UNC13C: variants seen among roughly 807,000 people sequenced by gnomAD.
The protein encoded by UNC13C is unc-13 homolog C.
A neutral mutation model predicts 245.4 loss-of-function variants in UNC13C; 174 were observed. That is an observed-to-expected ratio of 0.71 (90% CI 0.63 to 0.80). The LOEUF is 0.80. Ranked by LOEUF, UNC13C falls within the 30% of genes least tolerant of loss-of-function variation. UNC13C has a pLI of 0.00. For missense variants in UNC13C, 2,829 were observed against 2,602.9 expected, an observed-to-expected ratio of 1.09 and a Z score of -1.89; for synonymous variants, 992 against 895.1, an observed-to-expected ratio of 1.11 and a Z score of -1.93.
chr15:54,142,573 C>T (rs1158441300), intron 2 of UNC13C, among the ~76,000 whole-genome samples: 1 of 152,108 alleles, frequency 6.6e-6, no homozygotes, highest in Non-Finnish European at 1.5e-5. Context: ...GTTTACTTTC[C>T]CAAATACTGA....
intron 17 of UNC13C, among the ~76,000 whole-genome samples, chr15:54,370,442 G>A (rs2140881823): frequency 6.6e-6 from 1 of 152,204 alleles, no homozygotes; most frequent in African/African-American, 2.4e-5. Context: ...ATTAAGCCTA[G>A]GGAAAACCAA....
intron 10 of UNC13C, among the ~76,000 whole-genome samples, chr15:54,285,278 C>A (rs971398050): frequency 6.6e-6 from 1 of 151,690 alleles, no homozygotes; most frequent in Non-Finnish European, 1.5e-5. Flanking sequence ...AACTCCAATA[C>A]TCCAATAACT....
intron 17 of UNC13C, among the ~76,000 whole-genome samples, chr15:54,339,681 A>T (rs2038682580): frequency 6.6e-6 from 1 of 151,102 alleles, no homozygotes; most frequent in Non-Finnish European, 1.5e-5. Context: ...TTGTTTATTC[A>T]CTCGTTGATT....
At chr15:53,891,598 C>T in the UNC13C span, among the ~76,000 whole-genome samples, 2 of 152,132 alleles carry the variant, frequency 1.3e-5, no homozygotes, top group Admixed American at 6.5e-5. Context: ...GAATTGATCC[C>T]TTTACCATTA....
In UNC13C at chr15:54,014,732, T is replaced by C; in HGVS notation, c.1829T>C (p.Val610Ala). ...SPKDQHLNGG[V>A]QGIQGQTETE... Reference sequence around the variant, plus strand: ...AAGGACCAGCATTTGAATGGAGGTGTTCAGGGTATCCAAGGGCAGACTGAA... The same window carrying C: ...AAGGACCAGCATTTGAATGGAGGTGCTCAGGGTATCCAAGGGCAGACTGAA... The change falls in exon 2 of 33, where the codon GTT becomes GCT. Residue 610 changes from valine (V) to alanine (A), a missense_variant. Val to Ala is a moderately conservative substitution (Grantham distance 64, BLOSUM62 0). Transcript: ENST00000260323. 6.2e-7 allele frequency: 1 copy of C among 1,613,764 alleles called. No homozygotes were observed.
rs1595716249 is a variant in UNC13C, at chr15:54,015,143, A to T, written c.2240A>T (p.Asn747Ile). 1 of 1,612,434 alleles carries T rather than the reference A, an allele frequency of 6.2e-7. No individual in the cohort carries two copies. Among genetic ancestry groups the T allele is most frequent in the African/African-American group, 1.3e-5 (1 of 75,020 alleles). The change falls in exon 2 of 33, where the codon AAT becomes ATT. Residue 747 changes from asparagine to isoleucine, a missense_variant. Asn to Ile is a moderately radical substitution (Grantham distance 149, BLOSUM62 -3). Transcript: ENST00000260323. ...GATTCTTATCAGGGAGCTAATTCTA[A>T]TGAGCTATACCAAAATCAAAACCAG... ...QYDSYQGANS[N>I]ELYQNQNQLS...
At chr15:54,076,032 G>C (rs1307970527) in intron 2 of UNC13C, among the ~76,000 whole-genome samples, 2 of 147,860 alleles carry the variant, frequency 1.4e-5, no homozygotes, top group Admixed American at 1.3e-4. Context: ...TAGAGTTCTA[G>C]GTCACCTCTT....
At chr15:53,878,562 C>G in the UNC13C span, among the ~76,000 whole-genome samples, 1 of 152,158 alleles carries the variant, frequency 6.6e-6, no homozygotes, top group Non-Finnish European at 1.5e-5. Flanking sequence ...ATTTAGCCAG[C>G]CCTGTCGTCC....
At chr15:54,285,331 T>A (rs1245849683) in intron 10 of UNC13C, among the ~76,000 whole-genome samples, 1 of 152,198 alleles carries the variant, frequency 6.6e-6, no homozygotes, top group East Asian at 1.9e-4. Flanking sequence ...TTTCTCTGCA[T>A]CAACACTGGG....
intron 2 of UNC13C, among the ~76,000 whole-genome samples, chr15:54,048,315 A>G (rs926748232): frequency 2.6e-5 from 4 of 152,100 alleles, no homozygotes; most frequent in Non-Finnish European, 2.9e-5. Context: ...AGTATTGTTT[A>G]TGTTTCCTCT....
chr15:54,397,792 TTTG>T (rs1305550736), intron 18 of UNC13C, among the ~76,000 whole-genome samples: 4 of 151,428 alleles, frequency 2.6e-5, no homozygotes, highest in African/African-American at 9.7e-5. Flanking sequence ...TTTCTCATTC[TTTG>T]TTAATAGTAC....
At chr15:54,417,704 GA>G (rs2040551058) in intron 19 of UNC13C, among the ~76,000 whole-genome samples, 1 of 151,814 alleles carries the variant, frequency 6.6e-6, no homozygotes, top group African/African-American at 2.4e-5. Flanking sequence ...AGAGCTTTTT[GA>G]AAAAAAGAAC....
At chr15:54,469,214 T>A (rs993060058) in intron 19 of UNC13C, among the ~76,000 whole-genome samples, 17 of 151,586 alleles carry the variant, frequency 1.1e-4, no homozygotes, top group African/African-American at 4.1e-4. Context: ...GTTCTCAATT[T>A]CTAATTCAAA....
At chr15:54,296,920 G>T (rs562772975) in intron 11 of UNC13C, among the ~76,000 whole-genome samples, 1 of 152,150 alleles carries the variant, frequency 6.6e-6, no homozygotes, top group African/African-American at 2.4e-5. Context: ...AGTTTATACC[G>T]AACACGTACG....
intron 4 of UNC13C, among the ~76,000 whole-genome samples, chr15:54,224,168 C>T (rs58743547): frequency 0.22 from 34,186 of 151,950 alleles, 6,013 homozygotes; most frequent in African/African-American, 0.48. Flanking sequence ...TCCAGTACTA[C>T]GTTGAATAAC....
intron 29 of UNC13C, among the ~76,000 whole-genome samples, chr15:54,562,547 C>T (rs1192934960): frequency 1.3e-5 from 2 of 151,966 alleles, no homozygotes; most frequent in Non-Finnish European, 2.9e-5. Flanking sequence ...ACCTCACTAA[C>T]TTACAAGTGG....
At chr15:53,919,045 G>A in the UNC13C span, among the ~76,000 whole-genome samples, 1 of 152,154 alleles carries the variant, frequency 6.6e-6, no homozygotes, top group Non-Finnish European at 1.5e-5. Flanking sequence ...TAACAATATA[G>A]GATTGAACCA....
chr15:54,083,583 A>AT (rs1899073413), intron 2 of UNC13C, among the ~76,000 whole-genome samples: 1 of 152,242 alleles, frequency 6.6e-6, no homozygotes, highest in Non-Finnish European at 1.5e-5. Flanking sequence ...GTCGGGAAAT[A>AT]ACGCCCTCTC....
chr15:54,632,376 C>T (rs1460502595), downstream of UNC13C: 1 of 152,106 alleles, frequency 6.6e-6, no homozygotes, highest in East Asian at 1.9e-4. Flanking sequence ...TTTTATAGAT[C>T]ATAGCTTTGC....
Sources: allele counts gnomAD v4.1 joint callset (sites outside exome capture counted in the v4.1 genomes callset), GRCh38; gene constraint gnomAD v4.1.1; transcripts MANE v1.5; gene names NCBI Gene and HGNC (gene_info 2026-07-23, HGNC 2026-07-21).